ACP3: variants seen among roughly 807,000 people sequenced by gnomAD.
ACP3 encodes the protein prostatic acid phosphatase.
Under a neutral mutation model 45.6 loss-of-function variants are expected in ACP3, and 38 were observed. That is an observed-to-expected ratio of 0.83 (90% confidence interval 0.64 to 1.09). The LOEUF (loss-of-function observed/expected upper bound fraction) is 1.09, where lower values mean the gene tolerates loss of function less well. Ranked by LOEUF, ACP3 falls within the 50% of genes least tolerant of loss-of-function variation. The probability of loss-of-function intolerance (pLI) is 0.00; values close to 1 mark genes in which losing one functional copy is unlikely to be tolerated. For synonymous variants in ACP3, 162 were observed against 164.7 expected, an observed-to-expected ratio of 0.98 and a Z score of 0.13; for missense variants, 466 against 463.2, an observed-to-expected ratio of 1.01 and a Z score of -0.05.
At chr3:132,325,454 G>A (rs1460538287) in intron 1 of ACP3, among the ~76,000 whole-genome samples, 1 of 152,266 alleles carries the variant, frequency 6.6e-6, no homozygotes, top group East Asian at 1.9e-4. Context: ...ACTCTGCTAA[G>A]GTGACCACAC....
At chr3:132,320,208 T>G (rs1937180443) in intron 1 of ACP3, among the ~76,000 whole-genome samples, 1 of 152,218 alleles carries the variant, frequency 6.6e-6, no homozygotes, top group African/African-American at 2.4e-5. Context: ...GTTTTCAAAA[T>G]TTTGATTACA....
At chr3:132,333,935 G>A (rs1169820678) in intron 4 of ACP3, among the ~76,000 whole-genome samples, 1 of 152,126 alleles carries the variant, frequency 6.6e-6, no homozygotes. Flanking sequence ...GCTGGGCATG[G>A]TGGTGCACGC....
chr3:132,340,853 G>A (rs2107805766), intron 5 of ACP3, among the ~76,000 whole-genome samples: 1 of 152,170 alleles, frequency 6.6e-6, no homozygotes, highest in Middle Eastern at 3.4e-3. Context: ...CCATGGCTAT[G>A]TTTTAATTTT....
rs185417451 is a variant in ACP3 at position 132,347,549 on chromosome 3, G to A, written c.782-2371G>A. 8.8e-3 allele frequency among the ~76,000 whole-genome samples: 1,333 copies of A among 151,862 alleles called. 62 individuals are homozygous for A. Among genetic ancestry groups the A allele is most frequent in the Admixed American group, 0.08 (1,220 of 15,240 alleles). ...GGCTGGAGTGCAGCAGCATGATCAC[G>A]GCTCACTGTAGCCTTGACCTCCCAG... On this transcript the variant is annotated intron_variant, in intron 7 of 9. Coordinates refer to ENST00000336375, the MANE Select transcript of ACP3 (RefSeq NM_001099.5).
chr3:132,328,233 G>A (rs765865589), intron 1 of ACP3, 34 bp from the exon 2 acceptor site: 32 of 1,568,216 alleles, frequency 2.0e-5, no homozygotes, highest in South Asian at 5.6e-5. Context: ...CCCAAGTGAC[G>A]TTTGTAACAT....
intron 7 of ACP3, 30 bp downstream of exon 7, chr3:132,345,089 T>A (rs1160007765): frequency 6.3e-7 from 1 of 1,594,862 alleles, no homozygotes; most frequent in Non-Finnish European, 8.6e-7. Flanking sequence ...AGGAGCATAT[T>A]GGATTTGTGG....
intron 7 of ACP3, among the ~76,000 whole-genome samples, chr3:132,347,253 G>A (rs1467786860): frequency 6.6e-6 from 1 of 152,182 alleles, no homozygotes; most frequent in African/African-American, 2.4e-5. Flanking sequence ...TCTCCTGTGT[G>A]GTTCTGCCAA....
At chr3:132,353,437 AGAATT>A (rs2107815963) in intron 9 of ACP3, among the ~76,000 whole-genome samples, 1 of 152,262 alleles carries the variant, frequency 6.6e-6, no homozygotes, top group East Asian at 1.9e-4. Flanking sequence ...AAACTGGGGA[AGAATT>A]GATTATCACA....
At chr3:132,326,095 CCCTATGGCAGAAA>C (rs1384364749) in intron 1 of ACP3, among the ~76,000 whole-genome samples, 1 of 152,014 alleles carries the variant, frequency 6.6e-6, no homozygotes, top group Non-Finnish European at 1.5e-5. Context: ...GATTTTCTGC[CCCTATGGCAGAAA>C]ATGTGCCTTT....
chr3:132,345,754 C>G (rs1937602215), intron 7 of ACP3, among the ~76,000 whole-genome samples: 1 of 152,008 alleles, frequency 6.6e-6, no homozygotes, highest in East Asian at 1.9e-4. Flanking sequence ...GAAGGCAGAC[C>G]CAGGCAAGAG....
At chr3:132,353,510 G>A (rs1937808766) in intron 9 of ACP3, among the ~76,000 whole-genome samples, 1 of 152,216 alleles carries the variant, frequency 6.6e-6, no homozygotes, top group African/African-American at 2.4e-5. Context: ...ATTGGGAGGA[G>A]AAGAAGGAGG....
In ACP3 at chr3:132,367,905, A is replaced by C. The variant is rs1378540549; in HGVS notation, c.*83A>C. 4.7e-6 allele frequency: 5 copies of C among 1,071,300 alleles called. No individual in the cohort carries two copies. In the Admixed American group the frequency reaches 5.2e-5, roughly 11 times the overall value. 66.4% of individuals were successfully genotyped at this position (1,071,300 alleles called of 1,614,324 possible). On this transcript the variant is annotated 3_prime_UTR_variant, in exon 11 of 11. Transcript: ENST00000351273. ...CGCATCTAAAGGACAGGCTTTTGCC[A>C]TGTGGGCATTGCCATCCTCACACCC...
At chr3:132,352,274 T>G (rs1292868935) in intron 8 of ACP3, among the ~76,000 whole-genome samples, 1 of 152,016 alleles carries the variant, frequency 6.6e-6, no homozygotes, top group Non-Finnish European at 1.5e-5. Flanking sequence ...CTTGGCTCAC[T>G]GCAACCTCTG....
intron 6 of ACP3, among the ~76,000 whole-genome samples, chr3:132,344,444 T>TG (rs1050508145): frequency 2.0e-5 from 3 of 146,978 alleles, no homozygotes; most frequent in African/African-American, 7.6e-5. Context: ...ACAATGTCTC[T>TG]GAAAAAAAAA....
Position 132,328,248 on chromosome 3 carries a change from C to A in ACP3, c.121-19C>A. On this transcript the variant is annotated intron_variant, in intron 1 of 9. Coordinates refer to ENST00000336375, the MANE Select transcript of ACP3 (RefSeq NM_001099.5). ...CCCAAGTGACGTTTGTAACATCACT[C>A]TCTCACATCTACTTTCAGGTGTTTC... The A allele has an allele frequency of 6.2e-7, 1 of 1,602,124 alleles. No homozygotes were observed. Among genetic ancestry groups the A allele is most frequent in the Non-Finnish European group, 8.5e-7 (1 of 1,169,804 alleles).
At chr3:132,347,939 T>C (rs979138224) in intron 7 of ACP3, among the ~76,000 whole-genome samples, 10 of 151,974 alleles carry the variant, frequency 6.6e-5, no homozygotes, top group Non-Finnish European at 1.2e-4. Flanking sequence ...AGAGCTCTTC[T>C]TGCTCTAGGC....
At chr3:132,354,134 C>T (rs139515966) in intron 9 of ACP3, among the ~76,000 whole-genome samples, 21 of 152,242 alleles carry the variant, frequency 1.4e-4, no homozygotes, top group Admixed American at 9.1e-4. Flanking sequence ...ATAACAAGCC[C>T]GGCACAAGTC....
At chr3:132,332,560 T>G in intron 4 of ACP3, 1 of 541,006 alleles carries the variant, frequency 1.8e-6, no homozygotes, top group South Asian at 2.6e-5. Context: ...ATGATCCACT[T>G]TGTTTTGCCA....
Position 132,357,122 on chromosome 3 carries a change from C to A in ACP3, c.*244C>A. 1 of 1,212,562 alleles carries A rather than the reference C, an allele frequency of 8.2e-7. No homozygotes were observed. Among genetic ancestry groups the A allele is most frequent in the Non-Finnish European group, 1.0e-6 (1 of 969,676 alleles). The allele number at this position is 1,212,562 out of a possible 1,614,324, so 75.1% of individuals were successfully genotyped here. A position where few individuals can be genotyped will look rare whatever the true frequency, so the allele number is the denominator to read the frequency against. Reference sequence around the variant, plus strand: ...GCGTTAATGTAAAGGGGCAGCAGTGCCAAAATATAATCAGAGATAAAGCTT... The same window carrying A: ...GCGTTAATGTAAAGGGGCAGCAGTGACAAAATATAATCAGAGATAAAGCTT... On this transcript the variant is annotated 3_prime_UTR_variant, in exon 10 of 10. Transcript: ENST00000336375.
Sources: gnomAD v4.1 joint callset for allele counts (sites outside exome capture counted in the v4.1 genomes callset) on GRCh38, gnomAD v4.1.1 for gene constraint, MANE v1.5 for transcripts, NCBI Gene and HGNC (gene_info 2026-07-23, HGNC 2026-07-21) for gene names.